The following UBR1 variants were observed in gnomAD, a reference collection of about 807,000 sequenced individuals.
The protein encoded by UBR1 is ubiquitin protein ligase E3 component n-recognin 1.
A neutral mutation model predicts 242.1 loss-of-function variants in UBR1; 102 were observed. The ratio of observed to expected loss-of-function variants is 0.42; its 90% CI spans 0.36 to 0.50. The LOEUF (loss-of-function observed/expected upper bound fraction) is 0.50, where lower values mean the gene tolerates loss of function less well. UBR1 is among the 20% of genes least tolerant of loss of function. The probability of loss-of-function intolerance (pLI) is 0.01; values close to 1 mark genes in which losing one functional copy is unlikely to be tolerated. For synonymous variants in UBR1, 675 were observed against 684.8 expected (o/e 0.99, Z 0.22); for missense variants, 1,772 against 2,101.8 (o/e 0.84, Z 3.07).
At chr15:43,034,430 A>G (rs1461459731) in intron 19 of UBR1, among the ~76,000 whole-genome samples, 1 of 151,782 alleles carries the variant, frequency 6.6e-6, no homozygotes, top group Non-Finnish European at 1.5e-5. Context: ...ACAGAGTGAG[A>G]CTCTGTCTCA....
At chr15:43,034,744 G>T (rs1316953869) in intron 19 of UBR1, among the ~76,000 whole-genome samples, 1 of 151,916 alleles carries the variant, frequency 6.6e-6, no homozygotes, top group African/African-American at 2.4e-5. Context: ...AATTAGCTGG[G>T]TGTGGTGGTG....
intron 2 of UBR1, among the ~76,000 whole-genome samples, chr15:43,084,098 T>C (rs555680671): frequency 6.6e-5 from 10 of 152,198 alleles, no homozygotes; most frequent in East Asian, 3.9e-4. Flanking sequence ...ACAGGAAATA[T>C]AGGTTGTCTA....
chr15:43,037,469 A>G (rs2033352145), intron 17 of UBR1, among the ~76,000 whole-genome samples: 3 of 152,190 alleles, frequency 2.0e-5, no homozygotes, highest in African/African-American at 4.8e-5. Context: ...TGGAAAGACT[A>G]AAGGCCTCTA....
intron 5 of UBR1, among the ~76,000 whole-genome samples, chr15:43,070,415 C>A (rs2033810540): frequency 6.6e-6 from 1 of 152,088 alleles, no homozygotes; most frequent in South Asian, 2.1e-4. Context: ...GTTCCAAAGT[C>A]CCTATCTTTG....
chr15:43,038,958 T>C (rs1353585897), intron 15 of UBR1, among the ~76,000 whole-genome samples: 1 of 151,880 alleles, frequency 6.6e-6, no homozygotes, highest in Non-Finnish European at 1.5e-5. Context: ...AAAATTTTTA[T>C]TTTCATTAAA....
chr15:43,105,869 G>A lies in UBR1; in HGVS notation c.81+73C>T, dbSNP rs2034290620. On this transcript the variant is annotated intron_variant, in intron 1 of 46. Transcript: ENST00000290650. ...CCCCAGAGCCGCCATAAGGGGTGAA[G>A]CCCCACATCCTCCTAAGCGCAGTAG... The A allele has an allele frequency of 3.5e-6, 5 of 1,435,208 alleles. No homozygotes were observed. In the East Asian group the frequency reaches 9.1e-5, roughly 26 times the overall value. The allele number at this position is 1,435,208 out of a possible 1,614,324, so 88.9% of individuals were successfully genotyped here.
chr15:43,105,199 G>T (rs182384106), intron 1 of UBR1, among the ~76,000 whole-genome samples: 2 of 152,200 alleles, frequency 1.3e-5, no homozygotes, highest in East Asian at 3.9e-4. Context: ...CACACTAGAT[G>T]CCCTGGGCAT....
intron 37 of UBR1, among the ~76,000 whole-genome samples, chr15:42,983,677 T>TAATAATAAA (rs966378437): frequency 6.8e-6 from 1 of 146,744 alleles, no homozygotes; most frequent in Admixed American, 6.9e-5. Context: ...ATAATAATAA[T>TAATAATAAA]AATAATAATA....
intron 1 of UBR1, among the ~76,000 whole-genome samples, chr15:43,087,584 T>G (rs2034053003): frequency 6.6e-6 from 1 of 152,060 alleles, no homozygotes; most frequent in Non-Finnish European, 1.5e-5. Context: ...AATTAAAACT[T>G]TATGGAAAAT....
At chr15:42,972,041 GT>G (rs1248701807) in intron 39 of UBR1, among the ~76,000 whole-genome samples, 1 of 152,088 alleles carries the variant, frequency 6.6e-6, no homozygotes, top group East Asian at 1.9e-4. Context: ...AAAGTCCACA[GT>G]TTACATTAGG....
At chr15:43,105,905 G>A in intron 1 of UBR1, 37 bp downstream of exon 1, 4 of 1,599,846 alleles carry the variant, frequency 2.5e-6, no homozygotes, top group South Asian at 1.1e-5. Context: ...GGAGGGACCG[G>A]GGGGAGGACA....
chr15:43,012,234 A>C (rs996512556), intron 29 of UBR1, among the ~76,000 whole-genome samples: 16 of 152,132 alleles, frequency 1.1e-4, no homozygotes, highest in Non-Finnish European at 1.5e-5. Context: ...CTCAAAAAAA[A>C]AAAAAAAGAA....
At chr15:43,035,132 GA>G (rs566204831) in intron 19 of UBR1, among the ~76,000 whole-genome samples, 6 of 151,698 alleles carry the variant, frequency 4.0e-5, no homozygotes, top group Admixed American at 6.6e-5. Context: ...TTCATGACAA[GA>G]AAAAAAACTT....
At chr15:43,096,147 C>G (rs550997517) in intron 1 of UBR1, among the ~76,000 whole-genome samples, 3 of 150,766 alleles carry the variant, frequency 2.0e-5, no homozygotes, top group Non-Finnish European at 2.9e-5. Flanking sequence ...GATTGCTAAA[C>G]GTGGGGGTGG....
chr15:43,000,242 A>G (rs934553429), intron 32 of UBR1, among the ~76,000 whole-genome samples: 1 of 152,228 alleles, frequency 6.6e-6, no homozygotes. Context: ...CATGTATTTC[A>G]GATCCTGAGT....
At chr15:43,017,223 G>C in intron 27 of UBR1, 42 bp from the exon 28 acceptor site, 1 of 1,386,220 alleles carries the variant, frequency 7.2e-7, no homozygotes, top group Non-Finnish European at 1.0e-6. Context: ...TAGTTAGACT[G>C]TTAGACCGAC....
intron 37 of UBR1, among the ~76,000 whole-genome samples, chr15:42,979,478 C>T (rs533539432): frequency 8.5e-5 from 13 of 152,080 alleles, no homozygotes; most frequent in African/African-American, 1.9e-4. Flanking sequence ...AAGTGACAGG[C>T]GACTTAACTT....
At chr15:42,964,528 T>A (rs149275445) in intron 41 of UBR1, among the ~76,000 whole-genome samples, 78 of 152,152 alleles carry the variant, frequency 5.1e-4, no homozygotes, top group Non-Finnish European at 1.1e-3. Flanking sequence ...TAAGTCACAG[T>A]GATTTTTTTA....
At chr15:42,951,528 T>C (rs745516524) in intron 45 of UBR1, among the ~76,000 whole-genome samples, 1 of 152,094 alleles carries the variant, frequency 6.6e-6, no homozygotes, top group African/African-American at 2.4e-5. Context: ...CGGCCATAAG[T>C]GACTATTTTT....
Sources: gnomAD v4.1 joint callset for allele counts (sites outside exome capture counted in the v4.1 genomes callset) on GRCh38, gnomAD v4.1.1 for gene constraint, MANE v1.5 for transcripts, NCBI Gene and HGNC (gene_info 2026-07-23, HGNC 2026-07-21) for gene names.